Variants in TPR observed in about 807,000 individuals in gnomAD.
The protein encoded by TPR is translocated promoter region, nuclear basket protein.
In TPR, 51 loss-of-function variants were observed where a neutral mutation model predicts 316.1. The observed-to-expected ratio is 0.16, with a 90% CI of 0.13 to 0.20. TPR has a LOEUF of 0.20. Among genes scored for constraint, TPR ranks in the 10% least tolerant of loss-of-function variants. TPR has a pLI of 1.00. For synonymous variants in TPR, 981 were observed against 914.7 expected, an observed-to-expected ratio of 1.07 and a Z score of -1.31; for missense variants, 2,272 against 2,754.8, an observed-to-expected ratio of 0.82 and a Z score of 3.92.
chr1:186,353,798 G>A lies in TPR; in HGVS notation c.2224C>T (p.Leu742Phe). Residue 742 changes from leucine to phenylalanine, a missense_variant, in exon 18 of 51, where the codon CTT becomes TTT. Coordinates refer to ENST00000367478, the MANE Select transcript of TPR (RefSeq NM_003292.3). Reference protein sequence around the residue: ...VEGYRREITSLHERNQKLTAT... With the variant: ...VEGYRREITSFHERNQKLTAT... Reference sequence around the variant, plus strand: ...GTGAGTTTCTGATTTCTCTCATGAAGTGATGTTATTTCTCGACGATATCCT... The same window carrying A: ...GTGAGTTTCTGATTTCTCTCATGAAATGATGTTATTTCTCGACGATATCCT... 1.9e-6 allele frequency: 3 copies of A among 1,614,114 alleles called. No homozygotes were observed. The highest frequency in any genetic ancestry group is 1.7e-6 in the Non-Finnish European group (2 of 1,180,014).
chr1:186,343,322 C>T lies in TPR; in HGVS notation c.3750+4G>A. On this transcript the variant is annotated splice_donor_region_variant and intron_variant, in intron 27 of 50. Coordinates refer to ENST00000367478, the MANE Select transcript of TPR (RefSeq NM_003292.3). ...AGTGCTTTCTTAAAGCTTAGTATAC[C>T]TACCTGGACTTTCTCCCTTTCAGCA... The T allele has an allele frequency of 6.2e-7, 1 of 1,609,792 alleles. No homozygotes were observed. The highest frequency in any genetic ancestry group is 8.5e-7 in the Non-Finnish European group (1 of 1,178,650).
chr1:186,353,579 A>G, intron 18 of TPR, 109 bp downstream of exon 18: 3 of 1,297,580 alleles, frequency 2.3e-6, no homozygotes, highest in Non-Finnish European at 3.2e-6. Flanking sequence ...TGTAACCTCC[A>G]AACTTCTTAA....
Position 186,336,489 on chromosome 1 carries a change from T to C in TPR, c.4705+7A>G. 1 of 1,613,266 alleles carries C rather than the reference T, an allele frequency of 6.2e-7. No homozygotes were observed. Among genetic ancestry groups the C allele is most frequent in the Non-Finnish European group, 8.5e-7 (1 of 1,179,776 alleles). On this transcript the variant is annotated splice_region_variant and intron_variant, in intron 33 of 50. Transcript: ENST00000367478. ...CTACCAAGTTCAAACTTTAAACAGA[T>C]ATTTACCAGCTAAGTGTGCAATTTT...
chr1:186,360,021 C>T, intron 11 of TPR, 25 bp from the exon 12 acceptor site: 2 of 1,592,622 alleles, frequency 1.3e-6, no homozygotes, highest in Non-Finnish European at 1.7e-6. Flanking sequence ...AGGGTTGTTT[C>T]AAATCTAACC....
rs527824211 is a variant in TPR at position 186,358,962 on chromosome 1, G to A, written c.1390-312C>T. ...AAAAAGTCAATATTCTCAGGCAGGC[G>A]GGACTGCTAGACTTCACTTGATGAA... is the stretch of plus-strand genomic sequence containing the variant. On this transcript the variant is annotated intron_variant, in intron 12 of 50. Coordinates refer to ENST00000367478, the MANE Select transcript of TPR (RefSeq NM_003292.3). 1.8e-3 allele frequency among the ~76,000 whole-genome samples: 276 copies of A among 152,148 alleles called. 1 individual carries two copies. The highest frequency in any genetic ancestry group is 6.8e-3 in the Middle Eastern group (2 of 294).
intron 32 of TPR, 65 bp from the exon 33 acceptor site, chr1:186,336,759 G>T: frequency 6.7e-7 from 1 of 1,490,984 alleles, no homozygotes. Context: ...GTATGTGGTA[G>T]CAACTTAAAG....
Position 186,354,532 on chromosome 1 carries a change from T to C in TPR, c.2172-682A>G, listed in dbSNP as rs545921829. Among the ~76,000 whole-genome samples, 143 of 152,312 alleles carry C rather than the reference T, an allele frequency of 9.4e-4. 1 individual carries two copies. Among genetic ancestry groups the C allele is most frequent in the Non-Finnish European group, 7.8e-4 (53 of 68,038 alleles). ...AGTGCTTTAATTGGGGTTGCTGAAC[T>C]ATTAGATGTATAGGGGTAACTGCCT... is the stretch of plus-strand genomic sequence containing the variant. On this transcript the variant is annotated intron_variant, in intron 17 of 50. Transcript: ENST00000367478.
At chr1:186,334,961 T>C (rs1658295777) in intron 35 of TPR, 107 bp downstream of exon 35, 1 of 1,172,896 alleles carries the variant, frequency 8.5e-7, no homozygotes, top group South Asian at 1.6e-5. Context: ...TTAGTGTATG[T>C]TTTTACAATA....
intron 29 of TPR, among the ~76,000 whole-genome samples, chr1:186,340,454 C>G (rs1223292134): frequency 6.6e-6 from 1 of 150,438 alleles, no homozygotes; most frequent in African/African-American, 2.4e-5. Flanking sequence ...TTTTTTGAGA[C>G]AGGGTCTCCC....
At chr1:186,318,415 A>C in intron 48 of TPR, 32 bp downstream of exon 48, 1 of 1,593,228 alleles carries the variant, frequency 6.3e-7, no homozygotes, top group Non-Finnish European at 8.5e-7. Context: ...GTTGAGACTA[A>C]AGCAAGCAAA....
intron 21 of TPR, 130 bp downstream of exon 21, chr1:186,350,093 G>T: frequency 1.1e-6 from 1 of 929,658 alleles, no homozygotes; most frequent in Non-Finnish European, 1.5e-6. Flanking sequence ...GAAAAAGTTG[G>T]GTTTTTTTTT....
At position 186,312,874 on chromosome 1, in the gene TPR, A is replaced by G; in HGVS notation, c.*1097T>C. 6.2e-7 allele frequency: 1 copy of G among 1,612,640 alleles called. No homozygotes were observed. Among genetic ancestry groups the G allele is most frequent in the Non-Finnish European group, 8.5e-7 (1 of 1,178,660 alleles). ...AACATCAGAAAACCTGACGGCTATG[A>G]TTACTATGCCTTTTCTAAAGGTAAG... On this transcript the variant is annotated 3_prime_UTR_variant, in exon 51 of 51. Transcript: ENST00000367478.
chr1:186,316,916 A>G (rs1039994011), intron 49 of TPR, among the ~76,000 whole-genome samples: 3 of 152,260 alleles, frequency 2.0e-5, no homozygotes, highest in African/African-American at 7.2e-5. Flanking sequence ...GGAATAATAC[A>G]TATCTTTTTT....
rs1479507417 is a variant in TPR, at chr1:186,333,069, AG to A, written c.5455+52del. 1.9e-6 allele frequency: 3 copies of A among 1,581,298 alleles called. No homozygotes were observed. In the African/African-American group the frequency reaches 4.1e-5, roughly 21 times the overall value. On this transcript the variant is annotated intron_variant, in intron 37 of 50. Coordinates refer to ENST00000367478, the MANE Select transcript of TPR (RefSeq NM_003292.3). Reference sequence around the variant, plus strand: ...GATATATATACTCAAGATACACTCAAGATCTTATAAATGCATAGGTCTACTC... The same window carrying A: ...GATATATATACTCAAGATACACTCAAATCTTATAAATGCATAGGTCTACTC...
chr1:186,335,961 A>C (rs1277522105), intron 33 of TPR, among the ~76,000 whole-genome samples: 1 of 152,120 alleles, frequency 6.6e-6, no homozygotes. Context: ...ATTTTAAAAA[A>C]ATGCCTGTAA....
intron 27 of TPR, chr1:186,342,089 CCT>C (rs1658524564): frequency 6.6e-6 from 1 of 152,440 alleles, no homozygotes; most frequent in Admixed American, 6.5e-5. Context: ...CCTGCCTCAG[CCT>C]CCCGAGTAGC....
intron 38 of TPR, among the ~76,000 whole-genome samples, 190 bp downstream of exon 38, chr1:186,332,005 G>A (rs982769030): frequency 6.6e-6 from 1 of 152,070 alleles, no homozygotes; most frequent in Non-Finnish European, 1.5e-5. Context: ...TTAAAGATAT[G>A]CAAGAATATA....
chr1:186,350,359 C>T lies in TPR; in HGVS notation c.2640G>A (p.Leu880=). The T allele has an allele frequency of 6.2e-7, 1 of 1,607,780 alleles. No individual in the cohort carries two copies. Among genetic ancestry groups the T allele is most frequent in the Non-Finnish European group, 8.5e-7 (1 of 1,177,372 alleles). Residue 880 remains leucine (L), a synonymous_variant, in exon 21 of 51, where the codon CTG becomes CTA. Coordinates refer to ENST00000367478, the MANE Select transcript of TPR (RefSeq NM_003292.3). ...TAAGATGAAGATTTGTCTCTGTATC[C>T]AGTTGTCTCTTTGTATCTAAAAGTT... is the stretch of plus-strand genomic sequence containing the variant. ...DVQLLDTKRQ[L]DTETNLHLNT...
chr1:186,314,176 G>A (rs1657493575), intron 50 of TPR, 150 bp from the exon 51 acceptor site: 2 of 634,846 alleles, frequency 3.2e-6, no homozygotes, highest in Non-Finnish European at 5.3e-6. Flanking sequence ...ATTATTACAA[G>A]CAGATTAATC....
Sources: allele counts gnomAD v4.1 joint callset (sites outside exome capture counted in the v4.1 genomes callset), GRCh38; gene constraint gnomAD v4.1.1; transcripts MANE v1.5; gene names NCBI Gene and HGNC (gene_info 2026-07-23, HGNC 2026-07-21).